MYO6: variants seen among roughly 807,000 people sequenced by gnomAD.
MYO6 encodes the protein unconventional myosin-VI.
Under a neutral mutation model 178.7 loss-of-function variants are expected in MYO6, and 74 were observed. That is an observed-to-expected ratio of 0.41 (90% CI 0.34 to 0.50). The LOEUF (loss-of-function observed/expected upper bound fraction) is 0.50. Ranked by LOEUF, MYO6 falls within the 20% of genes least tolerant of loss-of-function variation. The pLI is 0.09. For missense variants in MYO6, 1,330 were observed against 1,547.4 expected (o/e 0.86, Z 2.36); for synonymous variants, 477 against 504.6 (o/e 0.95, Z 0.73).
At chr6:75,900,815 A>C (rs559422037) in intron 30 of MYO6, among the ~76,000 whole-genome samples, 3 of 151,270 alleles carry the variant, frequency 2.0e-5, no homozygotes, top group Non-Finnish European at 4.4e-5. Flanking sequence ...GCCCATGCCT[A>C]TGTCCTGAAT....
At chr6:75,906,285 A>T (rs555699867) in intron 30 of MYO6, among the ~76,000 whole-genome samples, 1 of 152,300 alleles carries the variant, frequency 6.6e-6, no homozygotes, top group East Asian at 1.9e-4. Context: ...AGTGTCTGCT[A>T]TTTGCAAGTG....
At chr6:75,903,628 C>T (rs917872135) in intron 30 of MYO6, among the ~76,000 whole-genome samples, 7 of 151,830 alleles carry the variant, frequency 4.6e-5, no homozygotes, top group African/African-American at 1.5e-4. Context: ...TGTCTCTGCA[C>T]GTGAGATGGG....
At chr6:75,908,287 G>T (rs1780495780) in intron 31 of MYO6, among the ~76,000 whole-genome samples, 1 of 152,074 alleles carries the variant, frequency 6.6e-6, no homozygotes, top group South Asian at 2.1e-4. Context: ...GATGATATAA[G>T]ATAGTAACAC....
chr6:75,888,580 G>A (rs1778652587), intron 25 of MYO6, among the ~76,000 whole-genome samples: 1 of 151,344 alleles, frequency 6.6e-6, no homozygotes, highest in African/African-American at 2.4e-5. Context: ...CTGCACTCCA[G>A]CCTGGGTGAC....
chr6:75,784,776 CAAAAAA>C (rs754218278), intron 1 of MYO6, among the ~76,000 whole-genome samples: 8 of 54,408 alleles, frequency 1.5e-4, no homozygotes, highest in Admixed American at 6.4e-4. Flanking sequence ...GACTCCGTCT[CAAAAAA>C]AAAAAAAAAA....
chr6:75,764,424 C>A (rs766202366), intron 1 of MYO6, among the ~76,000 whole-genome samples: 7 of 152,174 alleles, frequency 4.6e-5, no homozygotes, highest in Non-Finnish European at 8.8e-5. Context: ...CCATCTTTCA[C>A]TACCTGCTTG....
Position 75,907,940 on chromosome 6 carries a change from G to A in MYO6, c.3280+232G>A, listed in dbSNP as rs72674546. ...TTTTTCTTCCCACAGAACAATTAGA[G>A]TAAAATACTATATCCAGAGGATCCC... On this transcript the variant is annotated intron_variant, in intron 31 of 34. Coordinates refer to ENST00000369977, the MANE Select transcript of MYO6 (RefSeq NM_004999.4). Among the ~76,000 whole-genome samples, 1,995 of 152,168 alleles carry A rather than the reference G, an allele frequency of 0.013. 75 individuals carry two copies. The East Asian group carries it at 0.15, about 11-fold the overall frequency.
intron 1 of MYO6, among the ~76,000 whole-genome samples, chr6:75,783,551 A>ATCT (rs1024806679): frequency 1.7e-4 from 25 of 145,070 alleles, no homozygotes; most frequent in African/African-American, 6.4e-4. Context: ...GACATTTGAT[A>ATCT]TCTTCTTTTT....
chr6:75,876,485 ATAAAG>A lies in MYO6; in HGVS notation c.2077+3188_2077+3192del, dbSNP rs149415114. Among the ~76,000 whole-genome samples the A allele has an allele frequency of 5.4e-3, 829 of 152,346 alleles. 6 individuals carry two copies. The highest frequency in any genetic ancestry group is 0.018 in the African/African-American group (751 of 41,588). Reference sequence around the variant, plus strand: ...TAATTCATGTCTGTTGTATTCTTCCATAAAGTAGAGATGTATTTTTGTAATATTCA... The same window carrying A: ...TAATTCATGTCTGTTGTATTCTTCCATAGAGATGTATTTTTGTAATATTCA... On this transcript the variant is annotated intron_variant, in intron 20 of 34. Transcript: ENST00000369977.
Position 75,778,962 on chromosome 6 carries a change from T to C in MYO6, c.-48+29539T>C, listed in dbSNP as rs928238994. ...GTCCTAGCTGCTTGGGAGGCCGAAA[T>C]GGGAAGATTGCTTAAGCCCAGGAGG... is the stretch of plus-strand genomic sequence containing the variant. On this transcript the variant is annotated intron_variant, in intron 1 of 34. Transcript: ENST00000369977. 7.9e-5 allele frequency among the ~76,000 whole-genome samples: 11 copies of C among 139,112 alleles called. No individual in the cohort carries two copies. The Admixed American group carries it at 8.1e-4, about 10-fold the overall frequency. The allele number at this position is 139,112 out of a possible 152,430, so 91.3% of individuals were successfully genotyped here.
chr6:75,863,222 A>G (rs1776349807), intron 16 of MYO6, among the ~76,000 whole-genome samples: 1 of 152,202 alleles, frequency 6.6e-6, no homozygotes. Context: ...GCAAGCAGCC[A>G]TCTGTCTGCT....
At chr6:75,834,835 A>C (rs930652311) in intron 6 of MYO6, among the ~76,000 whole-genome samples, 2 of 152,252 alleles carry the variant, frequency 1.3e-5, no homozygotes, top group African/African-American at 4.8e-5. Context: ...ATACATACAC[A>C]CAATTCTGGT....
At chr6:75,874,873 C>G (rs978247373) in intron 20 of MYO6, among the ~76,000 whole-genome samples, 4 of 152,208 alleles carry the variant, frequency 2.6e-5, no homozygotes, top group Non-Finnish European at 4.4e-5. Flanking sequence ...TTGATGAGGT[C>G]ACCAGTGATT....
In MYO6 at chr6:75,835,290, G is replaced by T. The variant is rs1182668893; in HGVS notation, c.498-611G>T. On this transcript the variant is annotated intron_variant, in intron 6 of 34. Transcript: ENST00000369977. The stretch of plus-strand genomic sequence containing the variant: ...TTAGATGTTAAATGCAATACAAATA[G>T]AATTTATTTTTCATTTTTATAATTT... Among the ~76,000 whole-genome samples the T allele has an allele frequency of 3.9e-5, 6 of 152,082 alleles. No individual in the cohort carries two copies. The South Asian group carries it at 6.2e-4, about 16-fold the overall frequency.
At position 75,848,641 on chromosome 6, in the gene MYO6, A is replaced by G. The variant is rs9350601; in HGVS notation, c.1078+110A>G. 146,524 of 1,019,576 alleles carry G rather than the reference A, an allele frequency of 0.14. 10,938 individuals are homozygous for G. Among genetic ancestry groups the G allele is most frequent in the Non-Finnish European group, 0.16 (110,825 of 695,206 alleles). 63.2% of individuals were successfully genotyped at this position (1,019,576 alleles called of 1,614,324 possible). A position where few individuals can be genotyped will look rare whatever the true frequency, so the allele number is the denominator to read the frequency against. ...GCAGTTTGCTTAAAAACTTTAAGAA[A>G]TATCTAAAATATACTGAGTTAAATG... is the stretch of plus-strand genomic sequence containing the variant. On this transcript the variant is annotated intron_variant, in intron 11 of 34. Transcript: ENST00000369977.
At chr6:75,908,347 T>G in intron 31 of MYO6, 149 bp from the exon 32 acceptor site, 2 of 704,824 alleles carry the variant, frequency 2.8e-6, no homozygotes, top group Non-Finnish European at 4.7e-6. Context: ...ATAAAATGCT[T>G]ATCCTTATGA....
Position 75,898,428 on chromosome 6 carries a change from T to C in MYO6, c.3176+17T>C. 4 of 1,600,346 alleles carry C rather than the reference T, an allele frequency of 2.5e-6. No individual in the cohort carries two copies. Among genetic ancestry groups the C allele is most frequent in the Non-Finnish European group, 3.4e-6 (4 of 1,167,656 alleles). ...TTTGAGTAGGTTAGTGCAGTGTAAT[T>C]GGGGGAAATAAGTGTTCACCTCAAA... On this transcript the variant is annotated intron_variant, in intron 30 of 34. Coordinates refer to ENST00000369977, the MANE Select transcript of MYO6 (RefSeq NM_004999.4).
chr6:75,818,489 C>G (rs767166108), intron 2 of MYO6, among the ~76,000 whole-genome samples: 2 of 152,178 alleles, frequency 1.3e-5, no homozygotes, highest in Non-Finnish European at 2.9e-5. Flanking sequence ...TGATAGATGT[C>G]CACAATTTTT....
chr6:75,778,428 A>G (rs1766606627), intron 1 of MYO6, among the ~76,000 whole-genome samples: 1 of 151,788 alleles, frequency 6.6e-6, no homozygotes, highest in African/African-American at 2.4e-5. Context: ...CCCCGTCTCT[A>G]CTAAAAAATA....
Sources: allele counts gnomAD v4.1 joint callset (sites outside exome capture counted in the v4.1 genomes callset), GRCh38; gene constraint gnomAD v4.1.1; transcripts MANE v1.5; gene names NCBI Gene and HGNC (gene_info 2026-07-23, HGNC 2026-07-21).